The following CD72 variants were observed in gnomAD, a reference collection of about 807,000 sequenced individuals.
The protein encoded by CD72 is B-cell differentiation antigen CD72.
CD72 carries 28 observed loss-of-function variants against 50.7 expected under a neutral mutation model. The observed-to-expected ratio is 0.55, with a 90% CI of 0.41 to 0.76. CD72 has a LOEUF of 0.76. Among genes scored for constraint, CD72 ranks in the 30% least tolerant of loss-of-function variants. The pLI, the probability that CD72 is intolerant of heterozygous loss-of-function variation, is 0.00. For missense variants in CD72, 403 were observed against 420.6 expected (o/e 0.96, Z 0.37); for synonymous variants, 176 against 171.2 (o/e 1.03, Z -0.22).
chr9:35,638,990 C>T (rs1399167778), intron 1 of CD72, among the ~76,000 whole-genome samples: 1 of 152,114 alleles, frequency 6.6e-6, no homozygotes, highest in Non-Finnish European at 1.5e-5. Flanking sequence ...GCTTTACCGC[C>T]CTAGACCCAG....
chr9:35,617,875 G>A (rs1823091930), intron 2 of CD72, 139 bp downstream of exon 2: 2 of 694,882 alleles, frequency 2.9e-6, no homozygotes, highest in African/African-American at 1.8e-5. Flanking sequence ...AGGCTGCAGT[G>A]AGCCATGATC....
chr9:35,614,282 G>A (rs969431510), intron 5 of CD72, among the ~76,000 whole-genome samples: 2 of 152,192 alleles, frequency 1.3e-5, no homozygotes, highest in Non-Finnish European at 1.5e-5. Context: ...GAATGCTGTA[G>A]ATTGGGTGAC....
intron 5 of CD72, among the ~76,000 whole-genome samples, chr9:35,613,662 C>A (rs1429671625): frequency 1.3e-5 from 2 of 152,156 alleles, no homozygotes; most frequent in African/African-American, 4.8e-5. Context: ...CATGTCCCCA[C>A]CCTGCTACTC....
chr9:35,613,004 GAA>G lies in CD72; in HGVS notation c.689-13_689-12del. 1 of 1,603,092 alleles carries G rather than the reference GAA, an allele frequency of 6.2e-7. No individual in the cohort carries two copies. The highest frequency in any genetic ancestry group is 8.5e-7 in the Non-Finnish European group (1 of 1,172,968). On this transcript the variant is annotated splice_polypyrimidine_tract_variant and intron_variant, in intron 5 of 8. Coordinates refer to ENST00000259633, the MANE Select transcript of CD72 (RefSeq NM_001782.3). ...ACGGACAGCAGGTGTCTAAAAAGCA[GAA>G]AGAGTGTGATAGCAGCAACAGTTGG...
In CD72 at chr9:35,611,917, G is replaced by A. The variant is rs748375546; in HGVS notation, c.837C>T (p.His279=). 3 of 1,477,892 alleles carry A rather than the reference G, an allele frequency of 2.0e-6. No individual in the cohort carries two copies. The highest frequency in any genetic ancestry group is 2.8e-5 in the African/African-American group (2 of 72,304). The allele number at this position is 1,477,892 out of a possible 1,614,324, so 91.5% of individuals were successfully genotyped here. The change falls in exon 7 of 9, where the codon CAC becomes CAT. Residue 279 remains histidine, a splice_region_variant and synonymous_variant. Coordinates refer to ENST00000259633, the MANE Select transcript of CD72 (RefSeq NM_001782.3). The part of the protein sequence containing the change: ...ATFSEIYPQS[H]SYYFLNSLLP... ...ACAGTGAATTTAAGAAGTAGTAAGA[G>A]TGCTGAGGGGAGATTCAGAGAGACC...
chr9:35,641,104 T>C (rs1232058651), intron 1 of CD72, among the ~76,000 whole-genome samples: 1 of 152,088 alleles, frequency 6.6e-6, no homozygotes, highest in Non-Finnish European at 1.5e-5. Flanking sequence ...CCAAGTGCTG[T>C]TGGGGAGGTT....
At chr9:35,612,188 T>C (rs1479118010) in intron 6 of CD72, among the ~76,000 whole-genome samples, 1 of 152,094 alleles carries the variant, frequency 6.6e-6, no homozygotes. Context: ...ATCCCTACAA[T>C]CCAGCCCACC....
chr9:35,644,870 G>A (rs1016610017), intron 1 of CD72, among the ~76,000 whole-genome samples: 3 of 146,838 alleles, frequency 2.0e-5, no homozygotes, highest in South Asian at 2.2e-4. Context: ...TCGTGACTGC[G>A]AGAGATAGAA....
chr9:35,619,043 A>G (rs537904818), upstream of CD72, among the ~76,000 whole-genome samples: 1 of 152,374 alleles, frequency 6.6e-6, no homozygotes, highest in South Asian at 2.1e-4. Flanking sequence ...GGAGCAGAAC[A>G]GAGCCAGAGG....
upstream of CD72, chr9:35,618,765 G>C (rs1305560725): frequency 3.9e-6 from 5 of 1,288,204 alleles, no homozygotes; most frequent in Admixed American, 1.1e-4. Context: ...CCAGCTCCAG[G>C]GTGAGGCTCC....
At chr9:35,619,881 T>G (rs138239606), upstream of CD72, among the ~76,000 whole-genome samples, 1,510 of 152,274 alleles carry the variant, frequency 9.9e-3, 9 homozygotes, top group Non-Finnish European at 0.017. Context: ...AGTATTTCCT[T>G]TTTGAAGCTC....
In CD72 at chr9:35,612,964, G is replaced by A. The variant is rs776859063; in HGVS notation, c.718C>T (p.His240Tyr). The A allele has an allele frequency of 3.7e-6, 6 of 1,613,448 alleles. No individual in the cohort carries two copies. Among genetic ancestry groups the A allele is most frequent in the South Asian group, 1.1e-5 (1 of 91,018 alleles). The change falls in exon 6 of 9, where the codon CAT becomes TAT. Residue 240 changes from histidine (H) to tyrosine (Y), a missense_variant. By Grantham distance (83) the His-to-Tyr change is moderately conservative (BLOSUM62 2). Transcript: ENST00000259633. The stretch of plus-strand genomic sequence containing the variant: ...GAGATGTAAAAGCAGCTTTTCTGAT[G>A]CATTATCCATCCCGACGGACAGCAG... ...DTCCPSGWIM[H>Y]QKSCFYISLT...
intron 1 of CD72, among the ~76,000 whole-genome samples, chr9:35,627,156 G>A (rs1823203027): frequency 7.2e-6 from 1 of 138,400 alleles, no homozygotes; most frequent in African/African-American, 2.7e-5. Context: ...TTTTTGAGAT[G>A]GAGTCTCACT....
At chr9:35,645,105 A>G (rs1823376233) in intron 1 of CD72, among the ~76,000 whole-genome samples, 1 of 151,738 alleles carries the variant, frequency 6.6e-6, no homozygotes, top group African/African-American at 2.4e-5. Context: ...AGGTTGAGGC[A>G]GAAGAATCGC....
At chr9:35,623,777 A>G (rs1169331720), upstream of CD72, among the ~76,000 whole-genome samples, 4 of 152,172 alleles carry the variant, frequency 2.6e-5, no homozygotes, top group Non-Finnish European at 5.9e-5. Context: ...TTAGCTGGGC[A>G]TAGTGGTACA....
chr9:35,611,666 G>GA, intron 7 of CD72, 138 bp downstream of exon 7: 1 of 593,536 alleles, frequency 1.7e-6, no homozygotes, highest in Non-Finnish European at 3.0e-6. Flanking sequence ...TCAAATAGAG[G>GA]AAACAGACAA....
At chr9:35,617,276 C>A in intron 2 of CD72, 29 bp from the exon 3 acceptor site, 1 of 1,525,106 alleles carries the variant, frequency 6.6e-7, no homozygotes, top group Non-Finnish European at 8.8e-7. Flanking sequence ...AGTGTGAGAC[C>A]GGAAGCCCCG....
At chr9:35,624,973 C>G (rs1235862720) in intron 1 of CD72, among the ~76,000 whole-genome samples, 1 of 152,112 alleles carries the variant, frequency 6.6e-6, no homozygotes, top group African/African-American at 2.4e-5. Context: ...TGCTCCCTCT[C>G]CTTGGGTCTC....
At chr9:35,617,273 G>T in intron 2 of CD72, 26 bp from the exon 3 acceptor site, 1 of 1,529,166 alleles carries the variant, frequency 6.5e-7, no homozygotes, top group South Asian at 1.2e-5. Flanking sequence ...TCCAGTGTGA[G>T]ACCGGAAGCC....
Sources: gnomAD v4.1 joint callset for allele counts (sites outside exome capture counted in the v4.1 genomes callset) on GRCh38, gnomAD v4.1.1 for gene constraint, MANE v1.5 for transcripts, NCBI Gene and HGNC (gene_info 2026-07-23, HGNC 2026-07-21) for gene names.